ADGRG1: variants seen among roughly 807,000 people sequenced by gnomAD.
ADGRG1 encodes the protein 7-transmembrane protein with no EGF-like N-terminal domains-1.
Under a neutral mutation model 73.5 loss-of-function variants are expected in ADGRG1, and 53 were observed. The ratio of observed to expected loss-of-function variants is 0.72; its 90% CI spans 0.58 to 0.91. The LOEUF (loss-of-function observed/expected upper bound fraction) is 0.91. ADGRG1 is among the 40% of genes least tolerant of loss of function. The pLI is 0.00. For missense variants in ADGRG1, 795 were observed against 871.8 expected, an observed-to-expected ratio of 0.91 and a Z score of 1.11; for synonymous variants, 394 against 374.4, an observed-to-expected ratio of 1.05 and a Z score of -0.60.
chr16:57,663,399 G>A, intron 13 of ADGRG1, 53 bp from the exon 14 acceptor site: 2 of 1,608,350 alleles, frequency 1.2e-6, no homozygotes, highest in Non-Finnish European at 1.7e-6. Context: ...GGGAGGAGGA[G>A]GGATGGGGTG....
intron 1 of ADGRG1, among the ~76,000 whole-genome samples, chr16:57,637,860 G>A (rs1303299502): frequency 1.3e-5 from 2 of 152,208 alleles, no homozygotes; most frequent in African/African-American, 4.8e-5. Flanking sequence ...CCCTCAGAAT[G>A]TGATTGCCAG....
chr16:57,655,570 G>T (rs1414885778), intron 6 of ADGRG1, 40 bp downstream of exon 6: 1 of 1,612,818 alleles, frequency 6.2e-7, no homozygotes, highest in East Asian at 2.2e-5. Flanking sequence ...GGAGAAAGCA[G>T]TTTTTTTCTG....
At chr16:57,663,089 G>T (rs1469656227) in intron 13 of ADGRG1, 5 of 984,708 alleles carry the variant, frequency 5.1e-6, no homozygotes, top group Non-Finnish European at 6.0e-6. Context: ...AATTTGAGGG[G>T]TGCAAAATCT....
intron 1 of ADGRG1, chr16:57,642,133 A>G (rs1218016124): frequency 2.0e-6 from 2 of 985,090 alleles, no homozygotes; most frequent in Non-Finnish European, 2.4e-6. Context: ...CTCTTTTCCA[A>G]CATCCTGAGT....
At chr16:57,652,979 G>A (rs1180996779) in intron 3 of ADGRG1, 5 of 1,415,724 alleles carry the variant, frequency 3.5e-6, no homozygotes, top group Non-Finnish European at 3.7e-6. Flanking sequence ...CCATCCCGCT[G>A]GGGCTGGCAT....
chr16:57,662,564 A>G (rs1010748529), intron 13 of ADGRG1, among the ~76,000 whole-genome samples: 2 of 152,174 alleles, frequency 1.3e-5, no homozygotes, highest in African/African-American at 2.4e-5. Flanking sequence ...TGCACATGAT[A>G]GGATCAGGAG....
upstream of ADGRG1, chr16:57,625,711 G>A (rs1419097595): frequency 3.1e-6 from 3 of 961,830 alleles, no homozygotes; most frequent in African/African-American, 5.3e-5. Context: ...ACATTTTGAG[G>A]GCTAATCAGG....
upstream of ADGRG1, chr16:57,627,115 C>G: frequency 1.0e-6 from 1 of 959,590 alleles, no homozygotes; most frequent in Non-Finnish European, 1.2e-6. Flanking sequence ...CCCTGCACCC[C>G]ACGGGGTGGC....
At chr16:57,660,129 T>C in intron 11 of ADGRG1, 1 of 352,476 alleles carries the variant, frequency 2.8e-6, no homozygotes, top group Non-Finnish European at 4.0e-6. Context: ...GACTGTTCAA[T>C]TCACCTGTGG....
chr16:57,650,548 A>C, intron 2 of ADGRG1, 197 bp downstream of exon 2: 1 of 391,422 alleles, frequency 2.6e-6, no homozygotes, highest in Non-Finnish European at 3.5e-6. Context: ...AGGGTATGGA[A>C]TATGGATGGG....
chr16:57,624,209 C>T (rs34306430), upstream of ADGRG1: 16,782 of 978,324 alleles, frequency 0.017, 302 homozygotes, highest in East Asian at 0.17. Context: ...AAAAAATACC[C>T]ACCTCTGAGG....
At chr16:57,624,416 G>A (rs557098760), upstream of ADGRG1, among the ~76,000 whole-genome samples, 5 of 152,278 alleles carry the variant, frequency 3.3e-5, no homozygotes, top group Middle Eastern at 3.4e-3. Context: ...TGGGAGGATC[G>A]TTTGAGCCCA....
At chr16:57,637,885 T>C (rs1412073294) in intron 1 of ADGRG1, among the ~76,000 whole-genome samples, 1 of 152,196 alleles carries the variant, frequency 6.6e-6, no homozygotes, top group Non-Finnish European at 1.5e-5. Flanking sequence ...GTTCCCCACT[T>C]GTGCTCTGAG....
chr16:57,660,152 T>C (rs1447363262), intron 11 of ADGRG1: 2 of 572,252 alleles, frequency 3.5e-6, no homozygotes, highest in African/African-American at 4.1e-5. Flanking sequence ...AGCCCTCTTA[T>C]GTCAGACCTA....
In ADGRG1 at chr16:57,665,417, CCT is replaced by C. The variant is rs1290182948; in HGVS notation, c.*1836_*1837del. On this transcript the variant is annotated 3_prime_UTR_variant, in exon 14 of 14. Coordinates refer to ENST00000562631, the MANE Select transcript of ADGRG1 (RefSeq NM_201525.4). ...AAATCCAGACTGTGGTTTGACATCCCCTGATTTTAAAATTTTGGCGAATCCAA... is the reference window on the plus strand; with the variant it reads ...AAATCCAGACTGTGGTTTGACATCCCGATTTTAAAATTTTGGCGAATCCAA... 2 of 152,200 alleles carry C rather than the reference CCT, an allele frequency of 1.3e-5. No individual in the cohort carries two copies. The highest frequency in any genetic ancestry group is 2.9e-5 in the Non-Finnish European group (2 of 68,046). The allele number at this position is 152,200 out of a possible 1,614,324, so 9.4% of individuals were successfully genotyped here. A position where few individuals can be genotyped will look rare whatever the true frequency, so the allele number is the denominator to read the frequency against.
In ADGRG1 at chr16:57,630,518, T is replaced by C. The variant is rs370214959; in HGVS notation, c.-36+1716T>C. 52 of 984,888 alleles carry C rather than the reference T, an allele frequency of 5.3e-5. No individual in the cohort carries two copies. In the East Asian group the frequency reaches 4.9e-3, roughly 92 times the overall value. 61.0% of individuals were successfully genotyped at this position (984,888 alleles called of 1,614,324 possible). A position where few individuals can be genotyped will look rare whatever the true frequency, so the allele number is the denominator to read the frequency against. On this transcript the variant is annotated intron_variant, in intron 1 of 13. Coordinates refer to ENST00000562631, the MANE Select transcript of ADGRG1 (RefSeq NM_201525.4). ...ACAGCTGCCCTGGCTCCCGTAGGCC[T>C]GGGGCTTGGCTCCGAGAGTGTCGGG...
At chr16:57,623,544 G>T (rs1235778847), upstream of ADGRG1, among the ~76,000 whole-genome samples, 1 of 152,196 alleles carries the variant, frequency 6.6e-6, no homozygotes, top group African/African-American at 2.4e-5. Context: ...CCTAAGGCTG[G>T]TCCTGAAGCA....
chr16:57,651,960 GA>G, intron 3 of ADGRG1: 1 of 1,281,738 alleles, frequency 7.8e-7, no homozygotes, highest in Non-Finnish European at 1.0e-6. Context: ...GCAGAGACTG[GA>G]AAGGGACTGA....
At chr16:57,648,422 C>A in intron 1 of ADGRG1, 1 of 978,346 alleles carries the variant, frequency 1.0e-6, no homozygotes, top group Non-Finnish European at 1.2e-6. Context: ...GCCACCAGGG[C>A]AAGATGATGT....
Sources: gnomAD v4.1 joint callset for allele counts (sites outside exome capture counted in the v4.1 genomes callset) on GRCh38, gnomAD v4.1.1 for gene constraint, MANE v1.5 for transcripts, NCBI Gene and HGNC (gene_info 2026-07-23, HGNC 2026-07-21) for gene names.